PDIA5: variants seen among roughly 807,000 people sequenced by gnomAD.
PDIA5 encodes protein disulfide isomerase family A member 5.
PDIA5 carries 58 observed loss-of-function variants against 77.6 expected under a neutral mutation model. That is an observed-to-expected ratio of 0.75 (90% CI 0.61 to 0.93). PDIA5 has a LOEUF of 0.93. PDIA5 is among the 40% of genes least tolerant of loss of function. The pLI is 0.00. For synonymous variants in PDIA5, 250 were observed against 252.1 expected, an observed-to-expected ratio of 0.99 and a Z score of 0.08; for missense variants, 630 against 647.7, an observed-to-expected ratio of 0.97 and a Z score of 0.30.
intron 1 of PDIA5, among the ~76,000 whole-genome samples, chr3:123,074,403 C>A (rs1378462256): frequency 6.6e-6 from 1 of 152,192 alleles, no homozygotes; most frequent in African/African-American, 2.4e-5. Context: ...TCTCTGAGAA[C>A]CTCTGGGTCT....
chr3:123,134,915 A>G (rs1935460776), intron 11 of PDIA5, among the ~76,000 whole-genome samples: 1 of 152,086 alleles, frequency 6.6e-6, no homozygotes, highest in Admixed American at 6.5e-5. Flanking sequence ...ACCCAAGGCC[A>G]GGAGCCGCCT....
chr3:123,070,747 C>T (rs776860680), intron 1 of PDIA5, among the ~76,000 whole-genome samples: 7 of 152,284 alleles, frequency 4.6e-5, no homozygotes, highest in Admixed American at 6.5e-5. Flanking sequence ...GCAGCTGACT[C>T]TTCTCTAGGG....
At chr3:123,098,379 A>G (rs1934496776) in intron 3 of PDIA5, among the ~76,000 whole-genome samples, 1 of 151,768 alleles carries the variant, frequency 6.6e-6, no homozygotes, top group South Asian at 2.1e-4. Flanking sequence ...TCCTGCTCTC[A>G]TCCCCACTTT....
intron 8 of PDIA5, among the ~76,000 whole-genome samples, chr3:123,118,019 A>G (rs1242905244): frequency 6.6e-6 from 1 of 152,220 alleles, no homozygotes. Context: ...AAACTGCATC[A>G]TGATCTTTGT....
intron 13 of PDIA5, among the ~76,000 whole-genome samples, chr3:123,147,981 G>A (rs1935807707): frequency 6.6e-6 from 1 of 152,178 alleles, no homozygotes; most frequent in African/African-American, 2.4e-5. Context: ...AGCATGAGGG[G>A]CCTCTGTCCT....
chr3:123,094,692 T>A (rs897248644), intron 3 of PDIA5, among the ~76,000 whole-genome samples: 3 of 152,258 alleles, frequency 2.0e-5, no homozygotes, highest in Non-Finnish European at 2.9e-5. Context: ...TTTCTGGTGC[T>A]GTCTGCCGAG....
chr3:123,123,563 C>G (rs1935167546), intron 8 of PDIA5, among the ~76,000 whole-genome samples: 1 of 152,200 alleles, frequency 6.6e-6, no homozygotes, highest in African/African-American at 2.4e-5. Flanking sequence ...ACGTCACACT[C>G]AAGCCTAGGT....
At chr3:123,074,527 A>G (rs1933801454) in intron 1 of PDIA5, among the ~76,000 whole-genome samples, 1 of 152,192 alleles carries the variant, frequency 6.6e-6, no homozygotes. Flanking sequence ...ATAAAATAAT[A>G]TTTATGTTTA....
Position 123,092,422 on chromosome 3 carries a change from C to A in PDIA5, c.237C>A (p.Thr79=), listed in dbSNP as rs370431937. ...TVAQAVKGQG[T]ICWVDCGDAE... is the part of the protein sequence containing the mutation. ...CCCAGGCGGTGAAAGGACAAGGGAC[C>A]ATCTGCTGGGTGGACTGTGGGTATG... Residue 79 remains threonine (T), a synonymous_variant, in exon 3 of 17, where the codon ACC becomes ACA. Coordinates refer to ENST00000316218, the MANE Select transcript of PDIA5 (RefSeq NM_006810.4). 1 of 1,613,606 alleles carries A rather than the reference C, an allele frequency of 6.2e-7. No homozygotes were observed. The highest frequency in any genetic ancestry group is 1.3e-5 in the African/African-American group (1 of 75,014).
intron 16 of PDIA5, 85 bp from the exon 17 acceptor site, chr3:123,161,795 G>A: frequency 1.1e-6 from 1 of 889,416 alleles, no homozygotes; most frequent in South Asian, 1.4e-5. Flanking sequence ...CCCCCTGGAG[G>A]GGCTGGGGGT....
chr3:123,092,505 G>A lies in PDIA5; in HGVS notation c.257+63G>A. The A allele has an allele frequency of 3.5e-6, 4 of 1,135,380 alleles. No homozygotes were observed. The South Asian group carries it at 4.9e-5, about 14-fold the overall frequency. The allele number at this position is 1,135,380 out of a possible 1,614,324, so 70.3% of individuals were successfully genotyped here. A position where few individuals can be genotyped will look rare whatever the true frequency, so the allele number is the denominator to read the frequency against. Reference sequence around the variant, plus strand: ...CAGAGGGGCACTTGGGGCTTTGATTGGTGGGGACAGGAACTGTCTCTTGAT... The same window carrying A: ...CAGAGGGGCACTTGGGGCTTTGATTAGTGGGGACAGGAACTGTCTCTTGAT... On this transcript the variant is annotated intron_variant, in intron 3 of 16. Transcript: ENST00000316218.
intron 11 of PDIA5, among the ~76,000 whole-genome samples, chr3:123,140,868 G>A (rs1350697459): frequency 6.6e-6 from 1 of 152,208 alleles, no homozygotes; most frequent in African/African-American, 2.4e-5. Context: ...AGGTCTCCTG[G>A]TATTGACCCC....
At chr3:123,095,458 A>T (rs1199397042) in intron 3 of PDIA5, among the ~76,000 whole-genome samples, 1 of 152,150 alleles carries the variant, frequency 6.6e-6, no homozygotes, top group East Asian at 1.9e-4. Context: ...CTTAAGAAGT[A>T]CAGGGTGCAG....
intron 11 of PDIA5, among the ~76,000 whole-genome samples, chr3:123,142,632 T>A (rs1417108565): frequency 6.6e-6 from 1 of 152,244 alleles, no homozygotes; most frequent in Non-Finnish European, 1.5e-5. Flanking sequence ...AATGTCTGAC[T>A]GCAGGGGACA....
At chr3:123,078,553 A>G (rs76470346) in intron 1 of PDIA5, among the ~76,000 whole-genome samples, 288 of 152,242 alleles carry the variant, frequency 1.9e-3, no homozygotes, top group South Asian at 5.8e-3. Context: ...TGTTTTTATC[A>G]TACTCTTCCT....
At chr3:123,161,521 A>G in intron 16 of PDIA5, 66 bp downstream of exon 16, 1 of 1,542,286 alleles carries the variant, frequency 6.5e-7, no homozygotes, top group East Asian at 2.2e-5. Flanking sequence ...ACTTCCACTG[A>G]GGAGGGGCAG....
In PDIA5 at chr3:123,102,765, A is replaced by G. The variant is rs752908140; in HGVS notation, c.356A>G (p.His119Arg). 1.9e-6 allele frequency: 3 copies of G among 1,610,242 alleles called. No homozygotes were observed. The highest frequency in any genetic ancestry group is 1.7e-6 in the Non-Finnish European group (2 of 1,176,356). Residue 119 changes from histidine (H) to arginine (R), a missense_variant, in exon 5 of 17, where the codon CAT (histidine) becomes CGT (arginine). Coordinates refer to ENST00000316218, the MANE Select transcript of PDIA5 (RefSeq NM_006810.4). ...ELFHYQDGAF[H>R]TEYNRAVTFK... is the part of the protein sequence containing the mutation. ...TCATTTGACAGGGATGGTGCATTTC[A>G]TACTGAATATAACCGAGCTGTGACA...
chr3:123,161,055 C>T (rs1399484817), intron 15 of PDIA5, among the ~76,000 whole-genome samples: 1 of 152,152 alleles, frequency 6.6e-6, no homozygotes, highest in Non-Finnish European at 1.5e-5. Context: ...ATTTCCTTTA[C>T]GATCATCATA....
At chr3:123,118,790 T>G (rs1935048584) in intron 8 of PDIA5, among the ~76,000 whole-genome samples, 1 of 152,240 alleles carries the variant, frequency 6.6e-6, no homozygotes, top group Non-Finnish European at 1.5e-5. Context: ...ATAGGGTTTT[T>G]GCTCATCACT....
Sources: gnomAD v4.1 joint callset for allele counts (sites outside exome capture counted in the v4.1 genomes callset) on GRCh38, gnomAD v4.1.1 for gene constraint, MANE v1.5 for transcripts, NCBI Gene and HGNC (gene_info 2026-07-23, HGNC 2026-07-21) for gene names.